The following DLGAP2 variants were observed in gnomAD, a reference collection of about 807,000 sequenced individuals.
DLGAP2 encodes disks large-associated protein 2.
A neutral mutation model predicts 100.3 loss-of-function variants in DLGAP2; 26 were observed. That is an observed-to-expected ratio of 0.26 (90% CI 0.19 to 0.36). The LOEUF is 0.36. Ranked by LOEUF, DLGAP2 falls within the 10% of genes least tolerant of loss-of-function variation. The pLI is 1.00. For missense variants in DLGAP2, 1,858 were observed against 1,453.2 expected (o/e 1.28, Z -4.53); for synonymous variants, 886 against 630.1 (o/e 1.41, Z -6.08).
chr8:1,696,968 G>A (rs763779231), intron 13 of DLGAP2, among the ~76,000 whole-genome samples, 179 bp from the exon 14 acceptor site: 13 of 152,320 alleles, frequency 8.5e-5, no homozygotes, highest in Admixed American at 3.9e-4. Flanking sequence ...CAGCAAATAC[G>A]TGTGCTAAAG....
intron 2 of DLGAP2, among the ~76,000 whole-genome samples, chr8:1,242,594 C>G (rs1363320351): frequency 1.3e-5 from 2 of 152,218 alleles, no homozygotes; most frequent in African/African-American, 4.8e-5. Flanking sequence ...CGCCTGAGCC[C>G]TCTGCGCCAC....
intron 13 of DLGAP2, among the ~76,000 whole-genome samples, chr8:1,693,814 A>C (rs554157877): frequency 2.6e-5 from 4 of 152,348 alleles, no homozygotes; most frequent in South Asian, 4.1e-4. Context: ...AAAGGTTTTG[A>C]GTGCCTCGAA....
At chr8:1,106,437 C>T (rs769853664) in intron 2 of DLGAP2, among the ~76,000 whole-genome samples, 7 of 146,580 alleles carry the variant, frequency 4.8e-5, no homozygotes, top group Non-Finnish European at 9.0e-5. Flanking sequence ...GGACGGTTTT[C>T]TACTGAAGGA....
chr8:1,563,057 A>G (rs13281573), intron 5 of DLGAP2, among the ~76,000 whole-genome samples: 18 of 15,340 alleles, frequency 1.2e-3, no homozygotes, highest in East Asian at 3.6e-3. Flanking sequence ...TTACTGGGGG[A>G]CTGTGTGGTG....
chr8:1,049,040 G>A (rs1263466915), intron 2 of DLGAP2, among the ~76,000 whole-genome samples: 3 of 152,212 alleles, frequency 2.0e-5, no homozygotes, highest in Admixed American at 6.5e-5. Context: ...GATTGACAAA[G>A]TTATGTGTCT....
intron 1 of DLGAP2, among the ~76,000 whole-genome samples, chr8:828,313 C>A (rs1002100717): frequency 1.3e-5 from 2 of 152,148 alleles, no homozygotes; most frequent in Non-Finnish European, 2.9e-5. Flanking sequence ...CCATAAGAGA[C>A]AGGTACGCCC....
intron 2 of DLGAP2, among the ~76,000 whole-genome samples, chr8:958,081 C>G (rs1272724988): frequency 1.3e-5 from 2 of 152,158 alleles, no homozygotes; most frequent in Non-Finnish European, 2.9e-5. Context: ...TTCATTCTTT[C>G]TGTGTCTATA....
intron 3 of DLGAP2, among the ~76,000 whole-genome samples, chr8:1,344,326 GC>G: frequency 6.6e-6 from 1 of 152,290 alleles, no homozygotes; most frequent in South Asian, 2.1e-4. Context: ...CCTTCAGGGT[GC>G]CACCTGCATT....
At chr8:1,493,032 C>A (rs1404218762) in intron 3 of DLGAP2, among the ~76,000 whole-genome samples, 2 of 152,202 alleles carry the variant, frequency 1.3e-5, no homozygotes, top group Non-Finnish European at 2.9e-5. Flanking sequence ...ATGCCAGGAT[C>A]TCAGGGGCAG....
chr8:915,364 G>T (rs940959063), intron 2 of DLGAP2, among the ~76,000 whole-genome samples: 13 of 152,130 alleles, frequency 8.5e-5, no homozygotes, highest in Non-Finnish European at 1.6e-4. Flanking sequence ...TGGCTAACAC[G>T]GTGAAACCCG....
At chr8:1,550,054 G>A (rs531237073) in intron 5 of DLGAP2, among the ~76,000 whole-genome samples, 6 of 152,242 alleles carry the variant, frequency 3.9e-5, no homozygotes, top group Admixed American at 6.5e-5. Flanking sequence ...TGGTAACCAC[G>A]GTTCCACTCT....
At chr8:1,324,365 C>G (rs1362235605) in intron 3 of DLGAP2, among the ~76,000 whole-genome samples, 3 of 152,198 alleles carry the variant, frequency 2.0e-5, no homozygotes, top group African/African-American at 7.2e-5. Context: ...CTGAGTTTGA[C>G]TTTACAACAC....
chr8:1,209,451 A>G (rs1409061060), intron 2 of DLGAP2, among the ~76,000 whole-genome samples: 1 of 152,196 alleles, frequency 6.6e-6, no homozygotes, highest in East Asian at 1.9e-4. Flanking sequence ...TTGCATATGT[A>G]GTCCTAGATC....
intron 4 of DLGAP2, among the ~76,000 whole-genome samples, chr8:1,520,482 G>GTCCA (rs1800556005): frequency 6.6e-6 from 1 of 152,138 alleles, no homozygotes; most frequent in African/African-American, 2.4e-5. Flanking sequence ...GCTTGGCATG[G>GTCCA]TCCACCCTGT....
intron 3 of DLGAP2, among the ~76,000 whole-genome samples, chr8:1,315,278 A>T (rs1214625167): frequency 3.3e-5 from 5 of 151,608 alleles, no homozygotes; most frequent in Admixed American, 2.6e-4. Context: ...GGCAGCGTTT[A>T]AAAATAGAGC....
chr8:1,547,591 A>G (rs1563213428), intron 4 of DLGAP2, among the ~76,000 whole-genome samples: 1 of 152,132 alleles, frequency 6.6e-6, no homozygotes, highest in Non-Finnish European at 1.5e-5. Flanking sequence ...GAGCTGGCAG[A>G]TCCTCCTTCT....
At chr8:1,423,363 C>A (rs1797153008) in intron 3 of DLGAP2, among the ~76,000 whole-genome samples, 1 of 152,140 alleles carries the variant, frequency 6.6e-6, no homozygotes, top group East Asian at 1.9e-4. Flanking sequence ...CAGGACCACC[C>A]CAGGTTCTGT....
intron 1 of DLGAP2, among the ~76,000 whole-genome samples, chr8:773,304 T>C (rs536712958): frequency 2.6e-5 from 4 of 151,442 alleles, no homozygotes; most frequent in Admixed American, 1.3e-4. Flanking sequence ...ATCCTCATAA[T>C]CTCATTTTAC....
At chr8:810,243 C>A (rs762510064) in intron 1 of DLGAP2, among the ~76,000 whole-genome samples, 23 of 152,216 alleles carry the variant, frequency 1.5e-4, no homozygotes, top group Non-Finnish European at 2.8e-4. Context: ...TTAATTCCTC[C>A]AATTTTACTG....
Sources: allele counts gnomAD v4.1 joint callset (sites outside exome capture counted in the v4.1 genomes callset), GRCh38; gene constraint gnomAD v4.1.1; transcripts MANE v1.5; gene names NCBI Gene and HGNC (gene_info 2026-07-23, HGNC 2026-07-21).